Variants in SH3KBP1 observed in about 807,000 individuals in gnomAD.
SH3KBP1 encodes SH3 domain containing kinase binding protein 1.
A neutral mutation model predicts 50.1 loss-of-function variants in SH3KBP1; 8 were observed. That is an observed-to-expected ratio of 0.16 (90% confidence interval 0.09 to 0.29). SH3KBP1 has a LOEUF of 0.29. SH3KBP1 is among the 10% of genes least tolerant of loss of function. The probability of loss-of-function intolerance (pLI) is 1.00; values close to 1 mark genes in which losing one functional copy is unlikely to be tolerated. For missense variants in SH3KBP1, 377 were observed against 535.2 expected (o/e 0.70, Z 2.92); for synonymous variants, 227 against 218.6 (o/e 1.04, Z -0.34).
chrX:19,863,390 A>C (rs2068825937), intron 1 of SH3KBP1, among the ~76,000 whole-genome samples: 1 of 111,372 alleles, frequency 9.0e-6, no homozygotes. Context: ...ATGCCTGCTT[A>C]CTAACAAGTG....
chrX:19,620,555 C>T (rs779302604), intron 8 of SH3KBP1, among the ~76,000 whole-genome samples: 3 of 112,251 alleles, frequency 2.7e-5, no homozygotes, highest in East Asian at 2.8e-4. Flanking sequence ...TCCAGGCCCT[C>T]GGGCTGCTCA....
intron 2 of SH3KBP1, among the ~76,000 whole-genome samples, chrX:19,819,856 A>T (rs1406690314): frequency 9.0e-6 from 1 of 110,917 alleles, no homozygotes; most frequent in African/African-American, 3.3e-5. Context: ...AGTGCTATAA[A>T]TTTTCCTCTC....
At chrX:19,583,622 G>C (rs2066451760) in intron 12 of SH3KBP1, among the ~76,000 whole-genome samples, 1 of 110,086 alleles carries the variant, frequency 9.1e-6, no homozygotes, top group Non-Finnish European at 1.9e-5. Context: ...GCCTTCATGT[G>C]CGTTTCCACT....
chrX:19,749,578 A>G (rs1310247286), intron 2 of SH3KBP1, among the ~76,000 whole-genome samples: 1 of 113,042 alleles, frequency 8.8e-6, no homozygotes, highest in African/African-American at 3.2e-5. Flanking sequence ...TAAACATTGT[A>G]TGAGTCCACC....
At chrX:19,874,086 T>TATAA (rs1206834816) in intron 1 of SH3KBP1, among the ~76,000 whole-genome samples, 6 of 86,448 alleles carry the variant, frequency 6.9e-5, no homozygotes, top group African/African-American at 3.1e-4. Flanking sequence ...TATATATATA[T>TATAA]AAAACTCTAA....
intron 13 of SH3KBP1, among the ~76,000 whole-genome samples, chrX:19,565,192 G>T (rs6633285): frequency 1.9e-5 from 2 of 106,717 alleles, no homozygotes; most frequent in African/African-American, 6.9e-5. Flanking sequence ...CTCCCAAGTA[G>T]CTGGGATTAC....
At chrX:19,681,314 T>A (rs2063045316) in intron 6 of SH3KBP1, among the ~76,000 whole-genome samples, 1 of 112,331 alleles carries the variant, frequency 8.9e-6, no homozygotes, top group East Asian at 2.8e-4. Context: ...TGCAGTGAAC[T>A]ATACAATTGA....
intron 12 of SH3KBP1, among the ~76,000 whole-genome samples, chrX:19,578,936 C>T (rs769833394): frequency 9.0e-6 from 1 of 111,583 alleles, no homozygotes; most frequent in Non-Finnish European, 1.9e-5. Context: ...CTGCTGTTAT[C>T]TGCTATGAGT....
At chrX:19,567,518 C>CAA (rs869158450) in intron 13 of SH3KBP1, among the ~76,000 whole-genome samples, 1 of 7,272 alleles carries the variant, frequency 1.4e-4, no homozygotes, top group Admixed American at 2.9e-3. Context: ...GACTCCATCT[C>CAA]AAAAAAAAAA....
intron 1 of SH3KBP1, among the ~76,000 whole-genome samples, chrX:19,853,950 C>T (rs2068580450): frequency 9.5e-6 from 1 of 105,246 alleles, no homozygotes; most frequent in African/African-American, 3.5e-5. Flanking sequence ...CAAGAGAGAA[C>T]GAAACTCCAT....
intron 3 of SH3KBP1, among the ~76,000 whole-genome samples, chrX:19,733,185 C>A (rs1181356233): frequency 1.8e-5 from 2 of 111,415 alleles, no homozygotes; most frequent in African/African-American, 6.5e-5. Flanking sequence ...AATGTTAATT[C>A]TTCTAAAAGT....
intron 6 of SH3KBP1, among the ~76,000 whole-genome samples, chrX:19,679,617 AC>A (rs1292752436): frequency 9.1e-6 from 1 of 110,273 alleles, no homozygotes; most frequent in East Asian, 2.8e-4. Context: ...GTTCTTCCCC[AC>A]CCCCCTTTAA....
chrX:19,554,002 AATATAAT>A (rs1228442363), intron 13 of SH3KBP1, among the ~76,000 whole-genome samples: 5 of 55,472 alleles, frequency 9.0e-5, no homozygotes, highest in Non-Finnish European at 8.6e-5. Flanking sequence ...TATATATTAA[AATATAAT>A]ATATAATATA....
intron 2 of SH3KBP1, among the ~76,000 whole-genome samples, chrX:19,772,981 T>C (rs781755210): frequency 5.4e-5 from 6 of 111,743 alleles, no homozygotes; most frequent in African/African-American, 2.0e-4. Flanking sequence ...CTGGCAAGTG[T>C]TTCTGGGGTA....
intron 13 of SH3KBP1, among the ~76,000 whole-genome samples, chrX:19,565,098 G>A (rs1228458237): frequency 1.4e-5 from 1 of 71,752 alleles, no homozygotes; most frequent in African/African-American, 6.0e-5. Context: ...TCTCGCTCTT[G>A]TCCCCCAGGC....
At position 19,611,590 on chromosome X, in the gene SH3KBP1, G is replaced by A. The variant is rs1388144440; in HGVS notation, c.898-3545C>T. On this transcript the variant is annotated intron_variant, in intron 8 of 17. Coordinates refer to ENST00000397821, the MANE Select transcript of SH3KBP1 (RefSeq NM_031892.3). ...GCTGGTCTCGAATTCCTGGACTCAGGTGATTCGCCCACCTTGGCCTCCCAA... is the reference window on the plus strand; with the variant it reads ...GCTGGTCTCGAATTCCTGGACTCAGATGATTCGCCCACCTTGGCCTCCCAA... Among the ~76,000 whole-genome samples the A allele has an allele frequency of 5.4e-5, 6 of 111,803 alleles. No homozygotes were observed. The East Asian group carries it at 1.7e-3, about 31-fold the overall frequency.
intron 16 of SH3KBP1, among the ~76,000 whole-genome samples, chrX:19,538,507 C>T (rs1358085904): frequency 9.0e-6 from 1 of 110,952 alleles, no homozygotes; most frequent in African/African-American, 3.3e-5. Flanking sequence ...CTAAGCCTGG[C>T]TCTTCTTGTA....
intron 1 of SH3KBP1, among the ~76,000 whole-genome samples, chrX:19,859,021 G>A (rs1728973983): frequency 8.9e-6 from 1 of 112,405 alleles, no homozygotes; most frequent in Admixed American, 9.4e-5. Flanking sequence ...CTTCGCATAT[G>A]AGGCTTTGTG....
chrX:19,628,283 C>T (rs2061499277), intron 8 of SH3KBP1, among the ~76,000 whole-genome samples: 1 of 112,006 alleles, frequency 8.9e-6, no homozygotes, highest in Non-Finnish European at 1.9e-5. Flanking sequence ...TCCATTCCCA[C>T]TTCCAGGGCC....
Sources: gnomAD v4.1 joint callset for allele counts (sites outside exome capture counted in the v4.1 genomes callset) on GRCh38, gnomAD v4.1.1 for gene constraint, MANE v1.5 for transcripts, NCBI Gene and HGNC (gene_info 2026-07-23, HGNC 2026-07-21) for gene names.